Variants in RBFOX1 observed in about 807,000 individuals in gnomAD.
RBFOX1 encodes the protein RNA binding protein fox-1 homolog 1.
A neutral mutation model predicts 57.7 loss-of-function variants in RBFOX1; 8 were observed. The ratio of observed to expected loss-of-function variants is 0.14; its 90% CI spans 0.08 to 0.25. RBFOX1 has a LOEUF of 0.25. RBFOX1 is among the 10% of genes least tolerant of loss of function. The probability of loss-of-function intolerance (pLI) is 1.00; values close to 1 mark genes in which losing one functional copy is unlikely to be tolerated. For synonymous variants in RBFOX1, 326 were observed against 222.4 expected (o/e 1.47, Z -4.15); for missense variants, 611 against 548.5 (o/e 1.11, Z -1.14).
At chr16:6,183,807 T>C (rs1446792915) in intron 1 of RBFOX1, among the ~76,000 whole-genome samples, 1 of 152,128 alleles carries the variant, frequency 6.6e-6, no homozygotes, top group Non-Finnish European at 1.5e-5. Flanking sequence ...AGGTGAGTGT[T>C]AGCTGGGGTA....
At chr16:7,285,509 G>C (rs1047862615) in intron 4 of RBFOX1, among the ~76,000 whole-genome samples, 1 of 151,868 alleles carries the variant, frequency 6.6e-6, no homozygotes, top group African/African-American at 2.4e-5. Context: ...CATCACCACT[G>C]GATCCCTTCT....
chr16:5,453,345 A>T (rs1359014120), intron 1 of RBFOX1, among the ~76,000 whole-genome samples: 1 of 152,208 alleles, frequency 6.6e-6, no homozygotes, highest in African/African-American at 2.4e-5. Context: ...AGAGAGATTG[A>T]TGGGAGTAGG....
intron 4 of RBFOX1, among the ~76,000 whole-genome samples, chr16:7,256,930 A>C (rs772256141): frequency 5.3e-5 from 8 of 152,202 alleles, no homozygotes; most frequent in African/African-American, 7.2e-5. Context: ...CCCTGACCAC[A>C]TGGGAAACAG....
intron 2 of RBFOX1, among the ~76,000 whole-genome samples, chr16:6,644,171 T>C (rs2098514864): frequency 6.6e-6 from 1 of 152,134 alleles, no homozygotes; most frequent in East Asian, 1.9e-4. Flanking sequence ...ATGCTCTTAG[T>C]CTTAGCATCT....
intron 2 of RBFOX1, among the ~76,000 whole-genome samples, chr16:6,374,278 T>C (rs1596306295): frequency 6.6e-6 from 1 of 152,180 alleles, no homozygotes; most frequent in African/African-American, 2.4e-5. Context: ...GACAAACTTT[T>C]GCTTTGGAAT....
intron 4 of RBFOX1, among the ~76,000 whole-genome samples, chr16:5,907,645 C>G (rs184918245): frequency 8.4e-4 from 127 of 152,048 alleles, no homozygotes; most frequent in Non-Finnish European, 1.3e-3. Flanking sequence ...GTTTTCCTGA[C>G]GATGCATGTG....
At chr16:5,294,636 C>G (rs913883692) in intron 1 of RBFOX1, among the ~76,000 whole-genome samples, 2 of 152,096 alleles carry the variant, frequency 1.3e-5, no homozygotes, top group Non-Finnish European at 2.9e-5. Flanking sequence ...GACCTAGGAA[C>G]TATTTCTGAA....
intron 2 of RBFOX1, among the ~76,000 whole-genome samples, chr16:6,463,688 C>T (rs906718741): frequency 6.6e-6 from 1 of 152,160 alleles, no homozygotes; most frequent in Non-Finnish European, 1.5e-5. Context: ...TCATTTAGCT[C>T]TCTTACAGCC....
intron 4 of RBFOX1, among the ~76,000 whole-genome samples, chr16:5,990,510 C>T (rs2060374399): frequency 6.6e-6 from 1 of 152,180 alleles, no homozygotes; most frequent in Non-Finnish European, 1.5e-5. Context: ...CTTTTTTCTG[C>T]CCTCCCAAGG....
At chr16:6,483,232 G>A in intron 2 of RBFOX1, 1 of 1,232,824 alleles carries the variant, frequency 8.1e-7, no homozygotes, top group Non-Finnish European at 1.0e-6. Flanking sequence ...CCCGGGCCCT[G>A]GCGCCGCCGT....
chr16:6,520,940 A>AGG (rs539520558), intron 2 of RBFOX1, among the ~76,000 whole-genome samples: 1 of 152,154 alleles, frequency 6.6e-6, no homozygotes, highest in African/African-American at 2.4e-5. Flanking sequence ...GAAAGAGTGT[A>AGG]GGGGGGGAAA....
chr16:5,429,489 T>C (rs2067664273), intron 1 of RBFOX1, among the ~76,000 whole-genome samples: 1 of 152,154 alleles, frequency 6.6e-6, no homozygotes, highest in Non-Finnish European at 1.5e-5. Context: ...CTGATTGATT[T>C]TGAGGGGCCT....
At chr16:6,668,697 G>A (rs1488241622) in intron 3 of RBFOX1, among the ~76,000 whole-genome samples, 1 of 152,104 alleles carries the variant, frequency 6.6e-6, no homozygotes, top group African/African-American at 2.4e-5. Flanking sequence ...ATTTGTCTAT[G>A]ATGATATTTG....
At chr16:5,817,587 A>G (rs531378945) in intron 3 of RBFOX1, among the ~76,000 whole-genome samples, 2 of 151,922 alleles carry the variant, frequency 1.3e-5, no homozygotes, top group East Asian at 3.9e-4. Context: ...TTAGTGGGAG[A>G]AGCCCAGCTG....
intron 1 of RBFOX1, among the ~76,000 whole-genome samples, chr16:6,187,838 T>G (rs1333451804): frequency 6.6e-6 from 1 of 152,216 alleles, no homozygotes; most frequent in Non-Finnish European, 1.5e-5. Flanking sequence ...TCTCTGGCTC[T>G]GATACGAATG....
At chr16:5,926,659 T>C (rs1350171581) in intron 4 of RBFOX1, among the ~76,000 whole-genome samples, 1 of 152,184 alleles carries the variant, frequency 6.6e-6, no homozygotes, top group East Asian at 1.9e-4. Context: ...GGATCCGTGG[T>C]TTACAAATTG....
chr16:7,692,597 G>T (rs748592958), intron 14 of RBFOX1, among the ~76,000 whole-genome samples: 2 of 152,094 alleles, frequency 1.3e-5, no homozygotes, highest in African/African-American at 2.4e-5. Context: ...TGACTCAGAC[G>T]ATCTTATTTG....
At chr16:7,209,254 G>C (rs2090629613) in intron 4 of RBFOX1, among the ~76,000 whole-genome samples, 1 of 151,962 alleles carries the variant, frequency 6.6e-6, no homozygotes, top group African/African-American at 2.4e-5. Context: ...AGAATCACTT[G>C]AACCCAAGAG....
At chr16:6,408,961 G>C (rs534481009) in intron 2 of RBFOX1, among the ~76,000 whole-genome samples, 4 of 152,010 alleles carry the variant, frequency 2.6e-5, no homozygotes, top group African/African-American at 4.8e-5. Flanking sequence ...CACCCCTTCT[G>C]TGATCTCCCT....
Sources: gnomAD v4.1 joint callset for allele counts (sites outside exome capture counted in the v4.1 genomes callset) on GRCh38, gnomAD v4.1.1 for gene constraint, MANE v1.5 for transcripts, NCBI Gene and HGNC (gene_info 2026-07-23, HGNC 2026-07-21) for gene names.